EPC1: variants seen among roughly 807,000 people sequenced by gnomAD.
EPC1 encodes enhancer of polycomb homolog 1.
EPC1 carries 12 observed loss-of-function variants against 98.4 expected under a neutral mutation model. That is an observed-to-expected ratio of 0.12 (90% confidence interval 0.08 to 0.20). EPC1 has a LOEUF of 0.20. Among genes scored for constraint, EPC1 ranks in the 10% least tolerant of loss-of-function variants. EPC1 has a pLI of 1.00. For synonymous variants in EPC1, 357 were observed against 363.9 expected, an observed-to-expected ratio of 0.98 and a Z score of 0.21; for missense variants, 729 against 990.5, an observed-to-expected ratio of 0.74 and a Z score of 3.54.
At chr10:32,278,132 C>G (rs897129785) in intron 10 of EPC1, among the ~76,000 whole-genome samples, 1 of 151,152 alleles carries the variant, frequency 6.6e-6, no homozygotes, top group Non-Finnish European at 1.5e-5. Context: ...CCCAGGCCTC[C>G]CGGGTTCAAG....
At chr10:32,311,712 AC>A (rs1373298331) in intron 1 of EPC1, among the ~76,000 whole-genome samples, 1 of 152,208 alleles carries the variant, frequency 6.6e-6, no homozygotes, top group Non-Finnish European at 1.5e-5. Context: ...TCCTATACGT[AC>A]ATACCTATGA....
chr10:32,310,593 A>G (rs963495979), intron 1 of EPC1, among the ~76,000 whole-genome samples: 2 of 152,236 alleles, frequency 1.3e-5, no homozygotes, highest in African/African-American at 2.4e-5. Flanking sequence ...CACTGCTTTA[A>G]AAAATCTTAT....
intron 10 of EPC1, 22 bp from the exon 11 acceptor site, chr10:32,273,303 A>T: frequency 6.2e-7 from 1 of 1,610,202 alleles, no homozygotes; most frequent in South Asian, 1.1e-5. Flanking sequence ...ATAAAGAAAC[A>T]CTTTATAAAA....
intron 1 of EPC1, among the ~76,000 whole-genome samples, chr10:32,352,195 C>T (rs1564564478): frequency 6.6e-6 from 1 of 151,730 alleles, no homozygotes; most frequent in Non-Finnish European, 1.5e-5. Flanking sequence ...CAGGCACCTG[C>T]CACCACGCCC....
In EPC1 at chr10:32,361,001, A is replaced by G. The variant is rs75074829; in HGVS notation, c.3+17490T>C. 6.8e-3 allele frequency among the ~76,000 whole-genome samples: 1,030 copies of G among 152,312 alleles called. 6 individuals carry two copies. Among genetic ancestry groups the G allele is most frequent in the Non-Finnish European group, 0.011 (742 of 68,022 alleles). On this transcript the variant is annotated intron_variant, in intron 1 of 13. Transcript: ENST00000375110. ...CTTATTCTCTTTTGCCTTTAAAAAC[A>G]TGCTTGTAACAAAGGCCAAGGGAGC...
At chr10:32,330,884 G>A (rs11008884) in intron 1 of EPC1, among the ~76,000 whole-genome samples, 2,759 of 151,826 alleles carry the variant, frequency 0.018, 82 homozygotes, top group African/African-American at 0.062. Flanking sequence ...CCAAAAAAGC[G>A]GAACAAAATG....
At chr10:32,358,920 G>A (rs977628691) in intron 1 of EPC1, among the ~76,000 whole-genome samples, 1 of 152,204 alleles carries the variant, frequency 6.6e-6, no homozygotes, top group Non-Finnish European at 1.5e-5. Flanking sequence ...AAACTGGTAA[G>A]TTAGGGAAAT....
intron 1 of EPC1, among the ~76,000 whole-genome samples, chr10:32,318,755 T>C (rs764135637): frequency 3.3e-5 from 5 of 152,214 alleles, no homozygotes; most frequent in Non-Finnish European, 5.9e-5. Flanking sequence ...ATTGGTTTTA[T>C]GACTAGAAAT....
intron 2 of EPC1, among the ~76,000 whole-genome samples, chr10:32,297,790 T>C (rs923143133): frequency 2.1e-5 from 3 of 145,630 alleles, no homozygotes; most frequent in Non-Finnish European, 4.6e-5. Flanking sequence ...ATACATTGAA[T>C]AGATTATTAT....
At chr10:32,329,865 A>G (rs1387146388) in intron 1 of EPC1, among the ~76,000 whole-genome samples, 1 of 152,238 alleles carries the variant, frequency 6.6e-6, no homozygotes, top group East Asian at 1.9e-4. Context: ...ATATTATGAG[A>G]GCCTGTGACA....
At chr10:32,353,096 A>C (rs912014136) in intron 1 of EPC1, among the ~76,000 whole-genome samples, 1 of 151,258 alleles carries the variant, frequency 6.6e-6, no homozygotes, top group South Asian at 2.1e-4. Context: ...CGGAGGTTGC[A>C]ATGAGCCAAG....
At chr10:32,344,282 TTACCAGG>T (rs752307238) in intron 1 of EPC1, among the ~76,000 whole-genome samples, 20 of 152,220 alleles carry the variant, frequency 1.3e-4, no homozygotes, top group Non-Finnish European at 2.4e-4. Flanking sequence ...AGCAGCTTGT[TTACCAGG>T]TACTTTTTAC....
At position 32,279,517 on chromosome 10, in the gene EPC1, C is replaced by T. The variant is rs908106421; in HGVS notation, c.1744+5181G>A. Reference sequence around the variant, plus strand: ...TTGCAAACTAAATTGCACTAAGTTACGGATATTAAGACTTGGAACATATCA... The same window carrying T: ...TTGCAAACTAAATTGCACTAAGTTATGGATATTAAGACTTGGAACATATCA... On this transcript the variant is annotated intron_variant, in intron 10 of 13. Transcript: ENST00000319778. 3.3e-5 allele frequency among the ~76,000 whole-genome samples: 5 copies of T among 152,156 alleles called. No homozygotes were observed. In the East Asian group the frequency reaches 7.7e-4, roughly 23 times the overall value.
intron 1 of EPC1, among the ~76,000 whole-genome samples, chr10:32,313,607 C>T (rs1836374208): frequency 6.6e-6 from 1 of 152,164 alleles, no homozygotes; most frequent in Non-Finnish European, 1.5e-5. Flanking sequence ...GAAGAAGGAA[C>T]AGGCTGGGCG....
At chr10:32,299,174 A>G (rs1329406535) in intron 2 of EPC1, among the ~76,000 whole-genome samples, 1 of 151,826 alleles carries the variant, frequency 6.6e-6, no homozygotes, top group Non-Finnish European at 1.5e-5. Flanking sequence ...TTATATTCAT[A>G]ATGGCTTTTT....
At chr10:32,291,720 G>T (rs766333952) in intron 5 of EPC1, 1 of 152,532 alleles carries the variant, frequency 6.6e-6, no homozygotes, top group Non-Finnish European at 1.5e-5. Flanking sequence ...CTAGCTGACT[G>T]AGATATAATT....
chr10:32,349,468 A>G (rs897810299), upstream of EPC1, among the ~76,000 whole-genome samples: 1 of 152,188 alleles, frequency 6.6e-6, no homozygotes, highest in Non-Finnish European at 1.5e-5. Flanking sequence ...CCTTTTTCTC[A>G]TCATTCCTTT....
rs892527000 is a variant in EPC1 at position 32,275,361 on chromosome 10, C to T, written c.1745-2080G>A. ...ATAAAAATGCAATCAAGGCCAGGCG[C>T]GGTGGCGCACGCCTGTAATCCCAAC... is the stretch of plus-strand genomic sequence containing the variant. On this transcript the variant is annotated intron_variant, in intron 10 of 13. Transcript: ENST00000319778. 9.2e-5 allele frequency among the ~76,000 whole-genome samples: 14 copies of T among 152,348 alleles called. No homozygotes were observed. The South Asian group carries it at 1.2e-3, about 14-fold the overall frequency.
intron 10 of EPC1, among the ~76,000 whole-genome samples, chr10:32,274,642 A>T (rs1835991007): frequency 6.6e-6 from 1 of 152,088 alleles, no homozygotes; most frequent in South Asian, 2.1e-4. Context: ...TGTGTGTTAA[A>T]ATCTGTTTAG....
Sources: gnomAD v4.1 joint callset for allele counts (sites outside exome capture counted in the v4.1 genomes callset) on GRCh38, gnomAD v4.1.1 for gene constraint, MANE v1.5 for transcripts, NCBI Gene and HGNC (gene_info 2026-07-23, HGNC 2026-07-21) for gene names.